The following NOX4 variants were observed in gnomAD, a reference collection of about 807,000 sequenced individuals.
NOX4 encodes NADPH oxidase 4.
A neutral mutation model predicts 87.6 loss-of-function variants in NOX4; 69 were observed. The observed-to-expected ratio is 0.79, with a 90% CI of 0.65 to 0.96. The LOEUF is 0.96. Ranked by LOEUF, NOX4 falls within the 40% of genes least tolerant of loss-of-function variation. NOX4 has a pLI of 0.00. For synonymous variants in NOX4, 275 were observed against 238.2 expected (o/e 1.15, Z -1.42); for missense variants, 680 against 681.5 (o/e 1.00, Z 0.02).
the NOX4 span, among the ~76,000 whole-genome samples, chr11:89,564,271 G>A: frequency 1.3e-5 from 2 of 152,140 alleles, no homozygotes; most frequent in African/African-American, 2.4e-5. Context: ...TACAAGGAGC[G>A]TGGCTGGGGA....
upstream of NOX4, chr11:89,491,505 C>A (rs1946856505): frequency 2.1e-6 from 1 of 476,922 alleles, no homozygotes; most frequent in African/African-American, 2.1e-5. Context: ...ACGCCCAGCG[C>A]TCTGAGCGCG....
chr11:89,506,730 T>C, the NOX4 span, among the ~76,000 whole-genome samples: 1 of 151,876 alleles, frequency 6.6e-6, no homozygotes, highest in Non-Finnish European at 1.5e-5. Flanking sequence ...CTTTACGACT[T>C]AATGATAAGA....
At chr11:89,500,945 A>C (rs1424787908), upstream of NOX4, among the ~76,000 whole-genome samples, 1 of 152,128 alleles carries the variant, frequency 6.6e-6, no homozygotes, top group African/African-American at 2.4e-5. Context: ...AATACATGAC[A>C]TTAGTTTAGC....
intron 8 of NOX4, among the ~76,000 whole-genome samples, chr11:89,407,434 G>T (rs1428629504): frequency 6.6e-6 from 1 of 152,022 alleles, no homozygotes; most frequent in Non-Finnish European, 1.5e-5. Flanking sequence ...GATGTTCCAA[G>T]GAGAAATTTT....
chr11:89,493,941 G>A (rs181737493), upstream of NOX4, among the ~76,000 whole-genome samples: 10 of 152,074 alleles, frequency 6.6e-5, 1 homozygote, highest in Admixed American at 4.6e-4. Context: ...TTTTAGTAGA[G>A]ACGGGGTTTC....
At chr11:89,546,815 A>T in the NOX4 span, 3 of 152,126 alleles carry the variant, frequency 2.0e-5, no homozygotes, top group African/African-American at 7.2e-5. Context: ...CACTCCCATG[A>T]TAACAGCATT....
At chr11:89,523,739 T>C in the NOX4 span, among the ~76,000 whole-genome samples, 1 of 152,062 alleles carries the variant, frequency 6.6e-6, no homozygotes, top group Non-Finnish European at 1.5e-5. Context: ...CATCAATGAG[T>C]GAAGAGATAA....
chr11:89,489,072 C>A, intron 2 of NOX4: 1 of 690,750 alleles, frequency 1.4e-6, no homozygotes, highest in South Asian at 1.5e-5. Flanking sequence ...TGGCTTAAAA[C>A]CTAGAAGTTA....
At chr11:89,485,582 G>A (rs1427840833) in intron 2 of NOX4, among the ~76,000 whole-genome samples, 3 of 152,032 alleles carry the variant, frequency 2.0e-5, no homozygotes, top group Admixed American at 6.6e-5. Flanking sequence ...GAGTTAAACT[G>A]CTCCAATATT....
chr11:89,382,475 C>G (rs1179058346), intron 11 of NOX4, among the ~76,000 whole-genome samples: 1 of 152,090 alleles, frequency 6.6e-6, no homozygotes, highest in Non-Finnish European at 1.5e-5. Flanking sequence ...TCCAGGCATT[C>G]TTTTACACAT....
chr11:89,331,495 C>G (rs1945467884), intron 17 of NOX4, among the ~76,000 whole-genome samples: 1 of 151,664 alleles, frequency 6.6e-6, no homozygotes, highest in Non-Finnish European at 1.5e-5. Flanking sequence ...TGATGTTATA[C>G]TTAATAAAAT....
At chr11:89,561,192 T>C in the NOX4 span, among the ~76,000 whole-genome samples, 3 of 149,814 alleles carry the variant, frequency 2.0e-5, no homozygotes, top group East Asian at 2.0e-4. Flanking sequence ...GTATCTCTTA[T>C]GGTAATTCCA....
intron 11 of NOX4, among the ~76,000 whole-genome samples, chr11:89,380,882 A>C (rs1380960102): frequency 7.2e-5 from 11 of 152,176 alleles, no homozygotes; most frequent in Admixed American, 5.9e-4. Context: ...TTTGACAAGC[A>C]ATAAAATTAT....
At position 89,444,160 on chromosome 11, in the gene NOX4, A is replaced by G; in HGVS notation, c.422T>C (p.Leu141Pro). 1 of 1,613,658 alleles carries G rather than the reference A, an allele frequency of 6.2e-7. No individual in the cohort carries two copies. Among genetic ancestry groups the G allele is most frequent in the Non-Finnish European group, 8.5e-7 (1 of 1,179,700 alleles). Residue 141 changes from leucine (L) to proline (P), a missense_variant, in exon 5 of 18, where the codon CTG (leucine) becomes CCG (proline). Physicochemically the swap from Leu to Pro is moderately conservative, Grantham distance 98. Transcript: ENST00000263317. ...CTCATCTCGGTATCTTGCTGCATTC[A>G]GTTCAACAAAGTCTTCACTGTAATT... Reference protein sequence around the residue: ...SVNYSEDFVELNAARYRDEDP... With the variant: ...SVNYSEDFVEPNAARYRDEDP...
At chr11:89,555,483 CAAAAAA>C in the NOX4 span, among the ~76,000 whole-genome samples, 1 of 146,222 alleles carries the variant, frequency 6.8e-6, no homozygotes, top group Non-Finnish European at 1.5e-5. Flanking sequence ...GAATTTGTTT[CAAAAAA>C]AAAAGAGTTT....
At chr11:89,555,535 T>C in the NOX4 span, among the ~76,000 whole-genome samples, 2 of 152,184 alleles carry the variant, frequency 1.3e-5, no homozygotes, top group African/African-American at 4.8e-5. Flanking sequence ...TATCCTGTTA[T>C]TAATTTATCC....
the NOX4 span, among the ~76,000 whole-genome samples, chr11:89,504,180 C>T: frequency 6.6e-6 from 1 of 151,642 alleles, no homozygotes; most frequent in East Asian, 1.9e-4. Flanking sequence ...ATAGCATGAG[C>T]AAATTCATTG....
chr11:89,403,114 A>G (rs1941972553), intron 8 of NOX4, among the ~76,000 whole-genome samples: 1 of 152,178 alleles, frequency 6.6e-6, no homozygotes, highest in African/African-American at 2.4e-5. Context: ...CAATTTCTCC[A>G]TAGACAGAAC....
intron 11 of NOX4, among the ~76,000 whole-genome samples, chr11:89,385,811 C>T (rs1940660080): frequency 6.6e-6 from 1 of 152,132 alleles, no homozygotes. Flanking sequence ...TGGGTAGACA[C>T]TTTCATTGGA....
Sources: gnomAD v4.1 joint callset for allele counts (sites outside exome capture counted in the v4.1 genomes callset) on GRCh38, gnomAD v4.1.1 for gene constraint, MANE v1.5 for transcripts, NCBI Gene and HGNC (gene_info 2026-07-23, HGNC 2026-07-21) for gene names.